Variants in SKA1 observed in about 807,000 individuals in gnomAD.
The protein encoded by SKA1 is spindle and kinetochore associated complex subunit 1, also known as SKA complex subunit 1.
In SKA1, 20 loss-of-function variants were observed where a neutral mutation model predicts 31.8. That is an observed-to-expected ratio of 0.63 (90% CI 0.44 to 0.91). The LOEUF (loss-of-function observed/expected upper bound fraction) is 0.91. Ranked by LOEUF, SKA1 falls within the 40% of genes least tolerant of loss-of-function variation. The probability of loss-of-function intolerance (pLI) is 0.00; values close to 1 mark genes in which losing one functional copy is unlikely to be tolerated. For synonymous variants in SKA1, 88 were observed against 100.5 expected, an observed-to-expected ratio of 0.88 and a Z score of 0.74; for missense variants, 253 against 298.2, an observed-to-expected ratio of 0.85 and a Z score of 1.12.
At chr18:50,389,541 G>A (rs1459216954) in intron 5 of SKA1, among the ~76,000 whole-genome samples, 6 of 151,658 alleles carry the variant, frequency 4.0e-5, no homozygotes, top group Non-Finnish European at 8.8e-5. Flanking sequence ...GACCACAGGC[G>A]TGTGCCACCA....
chr18:50,393,598 T>C lies in SKA1; in HGVS notation c.*1351T>C, dbSNP rs1256476891. 6.6e-6 allele frequency: 1 copy of C among 152,178 alleles called. No individual in the cohort carries two copies. The highest frequency in any genetic ancestry group is 1.5e-5 in the Non-Finnish European group (1 of 68,044). 9.4% of individuals were successfully genotyped at this position (152,178 alleles called of 1,614,324 possible). A position where few individuals can be genotyped will look rare whatever the true frequency, so the allele number is the denominator to read the frequency against. On this transcript the variant is annotated 3_prime_UTR_variant, in exon 7 of 7. Coordinates refer to ENST00000285116, the MANE Select transcript of SKA1 (RefSeq NM_145060.4). ...GTAATGAAAGTGTAATAAATGTACA[T>C]TGAGTTGATGTGATAATGTGATATA...
At chr18:50,384,877 AAAAAAAAAAAAAAGG>A (rs2041293687) in intron 4 of SKA1, among the ~76,000 whole-genome samples, 1 of 130,924 alleles carries the variant, frequency 7.6e-6, no homozygotes, top group Non-Finnish European at 1.5e-5. Context: ...AAATTAAAAA[AAAAAAAAAAAAAAGG>A]AAAAAAAAAA....
chr18:50,379,952 C>G (rs996000966), intron 2 of SKA1, among the ~76,000 whole-genome samples, 174 bp from the exon 3 acceptor site: 1 of 152,198 alleles, frequency 6.6e-6, no homozygotes, highest in South Asian at 2.1e-4. Context: ...TTCCATACTA[C>G]TTAGAAATGA....
chr18:50,375,827 A>G lies in SKA1; in HGVS notation c.-4A>G. 1 of 1,590,994 alleles carries G rather than the reference A, an allele frequency of 6.3e-7. No homozygotes were observed. The highest frequency in any genetic ancestry group is 8.5e-7 in the Non-Finnish European group (1 of 1,169,768). ...TTATGTTTTTTTCTTCAGAGGCTTA[A>G]AGGATGGCCTCGTCAGATCTGGAAC... On this transcript the variant is annotated 5_prime_UTR_variant, in exon 2 of 7. Transcript: ENST00000285116.
intron 3 of SKA1, among the ~76,000 whole-genome samples, chr18:50,381,927 G>A (rs1414077524): frequency 6.6e-5 from 10 of 152,040 alleles, no homozygotes; most frequent in Non-Finnish European, 1.3e-4. Context: ...GGGTTTCACA[G>A]TGTTAGTGGG....
rs372061365 is a variant in SKA1, at chr18:50,391,156, T to C, written c.482T>C (p.Ile161Thr). 5.7e-6 allele frequency: 9 copies of C among 1,573,322 alleles called. No individual in the cohort carries two copies. The highest frequency in any genetic ancestry group is 6.9e-6 in the Non-Finnish European group (8 of 1,159,974). Reference sequence around the variant, plus strand: ...AAATCCCGCTTAACCTATAATCAAATTAATGATGTTATTAAAGAAATCAAC... The same window carrying C: ...AAATCCCGCTTAACCTATAATCAAACTAATGATGTTATTAAAGAAATCAAC... ...YMKSRLTYNQ[I>T]NDVIKEINKA... Residue 161 changes from isoleucine to threonine, a missense_variant, in exon 6 of 7, where the codon ATT (isoleucine) becomes ACT (threonine). By Grantham distance (89) the Ile-to-Thr change is moderately conservative (BLOSUM62 -1). Transcript: ENST00000285116.
intron 3 of SKA1, 74 bp downstream of exon 3, chr18:50,380,324 A>G (rs771499932): frequency 4.1e-5 from 57 of 1,388,242 alleles, no homozygotes; most frequent in Non-Finnish European, 5.4e-5. Flanking sequence ...GTAATTTTTA[A>G]GGATGCTTTG....
chr18:50,375,865 A>T lies in SKA1; in HGVS notation c.35A>T (p.His12Leu), dbSNP rs769068162. 1 of 1,611,794 alleles carries T rather than the reference A, an allele frequency of 6.2e-7. No homozygotes were observed. ...TCAGATCTGGAACAATTATGCTCTC[A>T]TGTTAATGAAAAGATTGGCAATATT... ...ASSDLEQLCS[H>L]VNEKIGNIKK... Residue 12 changes from histidine (H) to leucine (L), a missense_variant, in exon 2 of 7, where the codon CAT (histidine) becomes CTT (leucine). By Grantham distance (99) the His-to-Leu change is moderately conservative. Coordinates refer to ENST00000285116, the MANE Select transcript of SKA1 (RefSeq NM_145060.4).
chr18:50,384,645 G>GTTAAGAGAAGCCATTAAGCCGTAAAGCT (rs1293870563), intron 4 of SKA1, among the ~76,000 whole-genome samples: 1 of 143,630 alleles, frequency 7.0e-6, no homozygotes, highest in African/African-American at 2.7e-5. Flanking sequence ...GCTGTTAAGG[G>GTTAAGAGAAGCCATTAAGCCGTAAAGCT]GTTAGAACAA....
intron 3 of SKA1, 144 bp from the exon 4 acceptor site, chr18:50,381,985 A>T: frequency 5.3e-6 from 3 of 567,890 alleles, no homozygotes; most frequent in Non-Finnish European, 9.3e-6. Flanking sequence ...TTAGCCTCCC[A>T]AGGTGCTGGG....
Position 50,392,772 on chromosome 18 carries a change from C to T in SKA1, c.*525C>T, listed in dbSNP as rs1166433104. 6.7e-6 allele frequency: 1 copy of T among 150,108 alleles called. No individual in the cohort carries two copies. The highest frequency in any genetic ancestry group is 1.5e-5 in the Non-Finnish European group (1 of 67,830). The allele number at this position is 150,108 out of a possible 1,614,324, so 9.3% of individuals were successfully genotyped here. A position where few individuals can be genotyped will look rare whatever the true frequency, so the allele number is the denominator to read the frequency against. ...TTTGAGACAGTCTCGCTCTTTCACC[C>T]AGGCCGGACTGCAGCGGCGCTATCT... is the stretch of plus-strand genomic sequence containing the variant. On this transcript the variant is annotated 3_prime_UTR_variant, in exon 7 of 7. Coordinates refer to ENST00000285116, the MANE Select transcript of SKA1 (RefSeq NM_145060.4).
At position 50,380,102 on chromosome 18, in the gene SKA1, CTATTT is replaced by C; in HGVS notation, c.89-17_89-13del. 1 of 1,480,566 alleles carries C rather than the reference CTATTT, an allele frequency of 6.8e-7. No homozygotes were observed. 91.7% of individuals were successfully genotyped at this position (1,480,566 alleles called of 1,614,324 possible). A position where few individuals can be genotyped will look rare whatever the true frequency, so the allele number is the denominator to read the frequency against. On this transcript the variant is annotated intron_variant, in intron 2 of 6. Coordinates refer to ENST00000285116, the MANE Select transcript of SKA1 (RefSeq NM_145060.4). ...ACTGCTTTTCTATACACTTTGTTTT[CTATTT>C]TATTTTTGTTTATAACAGGCCAGGA...
At chr18:50,381,189 A>G (rs1267779176) in intron 3 of SKA1, among the ~76,000 whole-genome samples, 1 of 152,370 alleles carries the variant, frequency 6.6e-6, no homozygotes, top group Non-Finnish European at 1.5e-5. Flanking sequence ...TTCTGTTCAC[A>G]TTGTGATTGG....
intron 4 of SKA1, 124 bp from the exon 5 acceptor site, chr18:50,385,092 A>G (rs570124785): frequency 4.1e-6 from 3 of 735,592 alleles, no homozygotes; most frequent in Admixed American, 2.8e-5. Flanking sequence ...ATAGAAAAAA[A>G]TGTTGGCAAT....
Position 50,380,194 on chromosome 18 carries a change from C to A in SKA1, c.157C>A (p.Leu53Ile). 1 of 1,554,504 alleles carries A rather than the reference C, an allele frequency of 6.4e-7. No individual in the cohort carries two copies. Among genetic ancestry groups the A allele is most frequent in the East Asian group, 2.5e-5 (1 of 40,810 alleles). ...TGAGATCATTGTAATAAATGAACTT[C>A]TAAATAAATTGGAATTGGAAATTCA... The part of the protein sequence containing the change: ...GDEIIVINEL[L>I]NKLELEIQYQ... Residue 53 changes from leucine (L) to isoleucine (I), a missense_variant, in exon 3 of 7, where the codon CTA (leucine) becomes ATA (isoleucine). Leu to Ile is a conservative substitution (Grantham distance 5). Transcript: ENST00000285116.
intron 3 of SKA1, among the ~76,000 whole-genome samples, chr18:50,380,776 A>G (rs2041256421): frequency 6.6e-6 from 1 of 152,202 alleles, no homozygotes; most frequent in African/African-American, 2.4e-5. Context: ...TCACATGCAC[A>G]TTTTATTCTA....
At chr18:50,380,365 A>G in intron 3 of SKA1, 115 bp downstream of exon 3, 2 of 1,074,480 alleles carry the variant, frequency 1.9e-6, no homozygotes, top group Admixed American at 4.1e-5. Flanking sequence ...TAAATTATTA[A>G]TGGTACAGTA....
chr18:50,384,351 G>C (rs948394384), intron 4 of SKA1, among the ~76,000 whole-genome samples: 3 of 152,048 alleles, frequency 2.0e-5, no homozygotes, highest in Non-Finnish European at 4.4e-5. Flanking sequence ...CCTATGTCTT[G>C]ACTTGCTGCT....
chr18:50,376,202 T>C (rs1253823220), intron 2 of SKA1, among the ~76,000 whole-genome samples: 1 of 152,216 alleles, frequency 6.6e-6, no homozygotes, highest in Non-Finnish European at 1.5e-5. Context: ...GCATCCATGG[T>C]TCTACAGCTA....
Sources: gnomAD v4.1 joint callset for allele counts (sites outside exome capture counted in the v4.1 genomes callset) on GRCh38, gnomAD v4.1.1 for gene constraint, MANE v1.5 for transcripts, NCBI Gene and HGNC (gene_info 2026-07-23, HGNC 2026-07-21) for gene names.